GBE1: variants seen among roughly 807,000 people sequenced by gnomAD.
GBE1 encodes 1,4-alpha-glucan-branching enzyme.
GBE1 carries 70 observed loss-of-function variants against 88.8 expected under a neutral mutation model. That is an observed-to-expected ratio of 0.79 (90% CI 0.65 to 0.96). The LOEUF is 0.96. GBE1 is among the 40% of genes least tolerant of loss of function. GBE1 has a pLI of 0.00. For missense variants in GBE1, 872 were observed against 871.0 expected, an observed-to-expected ratio of 1.00 and a Z score of -0.01; for synonymous variants, 284 against 300.1, an observed-to-expected ratio of 0.95 and a Z score of 0.56.
chr3:81,749,591 T>C (rs1706467114), intron 1 of GBE1, among the ~76,000 whole-genome samples: 1 of 152,238 alleles, frequency 6.6e-6, no homozygotes, highest in Non-Finnish European at 1.5e-5. Flanking sequence ...TATAGAAGTG[T>C]AGACACACAC....
intron 13 of GBE1, 86 bp from the exon 14 acceptor site, chr3:81,535,411 G>C: frequency 1.5e-6 from 2 of 1,331,246 alleles, no homozygotes; most frequent in Admixed American, 2.7e-5. Flanking sequence ...TTAATAGTCT[G>C]GTTATTAAAC....
At chr3:81,725,504 G>A (rs745897826) in intron 1 of GBE1, among the ~76,000 whole-genome samples, 1 of 152,026 alleles carries the variant, frequency 6.6e-6, no homozygotes, top group Non-Finnish European at 1.5e-5. Flanking sequence ...GCCTGAGGAT[G>A]CTTTATAGTT....
chr3:81,646,308 G>C (rs1704762205), intron 6 of GBE1, 84 bp downstream of exon 6: 4 of 885,586 alleles, frequency 4.5e-6, no homozygotes, highest in Admixed American at 4.5e-5. Flanking sequence ...GTTACACGAT[G>C]TTATAAAAAA....
intron 7 of GBE1, among the ~76,000 whole-genome samples, chr3:81,640,218 G>A (rs6764071): frequency 0.015 from 2,277 of 151,826 alleles, 73 homozygotes; most frequent in African/African-American, 0.052. Context: ...TAAGGGTGTT[G>A]CCAAAGGAGA....
At position 81,516,845 on chromosome 3, in the gene GBE1, T is replaced by G. The variant is rs149097118; in HGVS notation, c.1935-17618A>C. Among the ~76,000 whole-genome samples, 55 of 151,666 alleles carry G rather than the reference T, an allele frequency of 3.6e-4. 1 individual carries two copies. Among genetic ancestry groups the G allele is most frequent in the African/African-American group, 1.0e-3 (43 of 41,464 alleles). On this transcript the variant is annotated intron_variant, in intron 14 of 15. Transcript: ENST00000429644. ...AGTGGAAATTGAAAGATAACTAGAA[T>G]TAGAAGTGAAACCTAAAGACGTGAC...
At chr3:81,750,658 T>TATATATATATATGTATATATATATAC (rs1491583586) in intron 1 of GBE1, among the ~76,000 whole-genome samples, 2 of 56,974 alleles carry the variant, frequency 3.5e-5, no homozygotes, top group Non-Finnish European at 5.6e-5. Flanking sequence ...TATATATATA[T>TATATATATATATGTATATATATATAC]GTATATATAT....
chr3:81,582,127 T>G (rs948440722), intron 10 of GBE1, among the ~76,000 whole-genome samples: 4 of 152,064 alleles, frequency 2.6e-5, no homozygotes, highest in African/African-American at 7.2e-5. Context: ...ACTCTCCCTC[T>G]TTAATTCAAC....
intron 7 of GBE1, among the ~76,000 whole-genome samples, chr3:81,624,665 C>T (rs1704386250): frequency 6.6e-6 from 1 of 152,042 alleles, no homozygotes; most frequent in South Asian, 2.1e-4. Flanking sequence ...CATACACACA[C>T]ACATAACATG....
chr3:81,602,407 A>C (rs541340542), intron 7 of GBE1, among the ~76,000 whole-genome samples: 10 of 152,310 alleles, frequency 6.6e-5, no homozygotes, highest in Admixed American at 2.6e-4. Context: ...AAATTGCCAT[A>C]GACAGAGTAG....
chr3:81,602,646 TA>T (rs1704049354), intron 7 of GBE1, among the ~76,000 whole-genome samples: 3 of 152,118 alleles, frequency 2.0e-5, no homozygotes, highest in African/African-American at 7.2e-5. Context: ...CCCCACTTCC[TA>T]ATATGATCAC....
At chr3:81,576,981 T>C (rs1703656846) in intron 12 of GBE1, among the ~76,000 whole-genome samples, 1 of 152,132 alleles carries the variant, frequency 6.6e-6, no homozygotes, top group Non-Finnish European at 1.5e-5. Flanking sequence ...GGTCTTGCTT[T>C]GTCACCCTAG....
intron 14 of GBE1, among the ~76,000 whole-genome samples, chr3:81,512,945 T>G (rs895859108): frequency 6.6e-6 from 1 of 151,836 alleles, no homozygotes; most frequent in African/African-American, 2.4e-5. Context: ...CTTATATATA[T>G]CTTAACCCAA....
chr3:81,559,017 G>A (rs1703385640), intron 12 of GBE1, among the ~76,000 whole-genome samples: 1 of 152,036 alleles, frequency 6.6e-6, no homozygotes, highest in Non-Finnish European at 1.5e-5. Context: ...AAGCAAGGAA[G>A]AATAAAGGAA....
chr3:81,632,194 T>C (rs1309222008), intron 7 of GBE1, among the ~76,000 whole-genome samples: 2 of 152,210 alleles, frequency 1.3e-5, no homozygotes, highest in African/African-American at 4.8e-5. Context: ...CACATTTTCT[T>C]TATCCAGTCT....
intron 1 of GBE1, among the ~76,000 whole-genome samples, chr3:81,727,675 G>T (rs1706132096): frequency 1.3e-5 from 2 of 152,184 alleles, no homozygotes; most frequent in Middle Eastern, 3.4e-3. Flanking sequence ...CAAATTATGA[G>T]AAACTTTAAC....
At chr3:81,684,396 G>C (rs1353065384) in intron 2 of GBE1, among the ~76,000 whole-genome samples, 2 of 152,122 alleles carry the variant, frequency 1.3e-5, no homozygotes, top group African/African-American at 4.8e-5. Flanking sequence ...AGTTCTGAAG[G>C]CTTTGGAAGT....
At chr3:81,561,712 T>C (rs758566894) in intron 12 of GBE1, among the ~76,000 whole-genome samples, 6 of 152,036 alleles carry the variant, frequency 3.9e-5, no homozygotes, top group Non-Finnish European at 5.9e-5. Flanking sequence ...CTAAACTGGA[T>C]CTGACCATGC....
At chr3:81,616,234 T>A (rs910466981) in intron 7 of GBE1, among the ~76,000 whole-genome samples, 3 of 152,182 alleles carry the variant, frequency 2.0e-5, no homozygotes, top group Non-Finnish European at 4.4e-5. Flanking sequence ...GTCCAATTTA[T>A]CAATTTTTCC....
intron 15 of GBE1, among the ~76,000 whole-genome samples, chr3:81,493,546 T>G (rs1702463748): frequency 6.6e-6 from 1 of 151,646 alleles, no homozygotes; most frequent in Non-Finnish European, 1.5e-5. Context: ...TTTTTTTTTC[T>G]TTTTAGAAGG....
Sources: gnomAD v4.1 joint callset for allele counts (sites outside exome capture counted in the v4.1 genomes callset) on GRCh38, gnomAD v4.1.1 for gene constraint, MANE v1.5 for transcripts, NCBI Gene and HGNC (gene_info 2026-07-23, HGNC 2026-07-21) for gene names.